Variants in ATAD2 observed in about 807,000 individuals in gnomAD.
The protein encoded by ATAD2 is ATPase family AAA domain containing 2.
Under a neutral mutation model 168.9 loss-of-function variants are expected in ATAD2, and 62 were observed. The ratio of observed to expected loss-of-function variants is 0.37; its 90% CI spans 0.30 to 0.45. ATAD2 has a LOEUF of 0.45. Ranked by LOEUF, ATAD2 falls within the 20% of genes least tolerant of loss-of-function variation. The pLI is 1.00. For missense variants in ATAD2, 1,419 were observed against 1,667.8 expected (o/e 0.85, Z 2.60); for synonymous variants, 613 against 571.6 (o/e 1.07, Z -1.03).
upstream of ATAD2, among the ~76,000 whole-genome samples, chr8:123,396,630 G>C (rs905265622): frequency 2.6e-5 from 4 of 152,250 alleles, no homozygotes; most frequent in Admixed American, 6.5e-5. Context: ...CCTGAGCGGA[G>C]AGTCCTGGGG....
chr8:123,346,665 T>C lies in ATAD2; in HGVS notation c.2298A>G (p.Lys766=). Residue 766 remains lysine, a synonymous_variant, in exon 17 of 28, where the codon AAA becomes AAG. Coordinates refer to ENST00000287394, the MANE Select transcript of ATAD2 (RefSeq NM_014109.4). ...AATTGTCTTTTGCCTTATGAGAAGA[T>C]TTCTGAGAAAGTCCATTTTCATAAA... The part of the protein sequence containing the change: ...PSVYENGLSQ[K]SSHKAKDNFN... The C allele has an allele frequency of 1.3e-6, 2 of 1,587,278 alleles. No individual in the cohort carries two copies. The highest frequency in any genetic ancestry group is 1.7e-6 in the Non-Finnish European group (2 of 1,165,296).
At chr8:123,369,034 T>C (rs1829059338) in intron 8 of ATAD2, 24 bp downstream of exon 8, 2 of 1,382,776 alleles carry the variant, frequency 1.4e-6, no homozygotes, top group Admixed American at 1.8e-5. Flanking sequence ...TTGTCATAAA[T>C]CAATCACTAT....
chr8:123,378,910 G>A (rs1829407676), intron 2 of ATAD2, among the ~76,000 whole-genome samples: 1 of 151,516 alleles, frequency 6.6e-6, no homozygotes, highest in Non-Finnish European at 1.5e-5. Context: ...TCCTGCCTCA[G>A]CCTCCACAGT....
At chr8:123,389,328 A>G (rs1829741677) in intron 1 of ATAD2, among the ~76,000 whole-genome samples, 1 of 146,678 alleles carries the variant, frequency 6.8e-6, no homozygotes, top group Non-Finnish European at 1.5e-5. Flanking sequence ...CCAACCTCTT[A>G]GCAATTCTGG....
intron 8 of ATAD2, among the ~76,000 whole-genome samples, chr8:123,367,001 T>C (rs564751508): frequency 1.3e-5 from 2 of 151,976 alleles, no homozygotes; most frequent in South Asian, 2.1e-4. Flanking sequence ...TAAAATAAAA[T>C]AAATAAAAAA....
In ATAD2 at chr8:123,380,650, T is replaced by G; in HGVS notation, c.199A>C (p.Thr67Pro). 2 of 1,613,958 alleles carry G rather than the reference T, an allele frequency of 1.2e-6. No individual in the cohort carries two copies. Among genetic ancestry groups the G allele is most frequent in the Non-Finnish European group, 1.7e-6 (2 of 1,179,942 alleles). ...GDGSSVKEVE[T>P]YHRTRALRSL... ...CTTAAAGCACGTGTCCGGTGGTAGG[T>G]TTCAACTTCCTTAACTGATGACCCA... Residue 67 changes from threonine (T) to proline (P), a missense_variant, in exon 2 of 28, where the codon ACC (threonine) becomes CCC (proline). Around this residue, in one of 5 missense-constraint regions of ATAD2, gnomAD observed 419 missense variants for 423.5 expected, o/e 0.99. Transcript: ENST00000287394.
chr8:123,372,417 G>T (rs1300666903), intron 3 of ATAD2, among the ~76,000 whole-genome samples: 1 of 152,174 alleles, frequency 6.6e-6, no homozygotes, highest in Non-Finnish European at 1.5e-5. Context: ...GAAGCTAGAA[G>T]AGCCAGGAGG....
At chr8:123,408,024 T>C (rs1247662584) in intron 1 of ATAD2, among the ~76,000 whole-genome samples, 1 of 152,208 alleles carries the variant, frequency 6.6e-6, no homozygotes, top group African/African-American at 2.4e-5. Context: ...TGTTCTTTGG[T>C]AGCAAAATTA....
rs772354491 is a variant in ATAD2, at chr8:123,336,448, C to T, written c.3136G>A (p.Val1046Met). The stretch of plus-strand genomic sequence containing the variant: ...TCAATATCTCTCAAATAGTCTTTCA[C>T]AGTCAGATACTTGTGTAGATCAATT... ...SKIDLHKYLT[V>M]KDYLRDIDLI... Residue 1046 changes from valine to methionine, a missense_variant, in exon 22 of 28, where the codon GTG becomes ATG. This residue lies in a region of ATAD2 where 545 missense variants were observed against 724.9 expected (regional missense o/e 0.75). Transcript: ENST00000287394. 6.3e-7 allele frequency: 1 copy of T among 1,581,386 alleles called. No homozygotes were observed. Among genetic ancestry groups the T allele is most frequent in the Non-Finnish European group, 8.6e-7 (1 of 1,168,748 alleles).
chr8:123,324,764 C>T (rs1357230709), intron 26 of ATAD2, among the ~76,000 whole-genome samples: 1 of 152,142 alleles, frequency 6.6e-6, no homozygotes, highest in African/African-American at 2.4e-5. Flanking sequence ...GTATTATTAG[C>T]TATTAGGATG....
At chr8:123,344,344 CTTTTTTTTTTTT>C (rs764379399) in intron 19 of ATAD2, among the ~76,000 whole-genome samples, 1 of 125,862 alleles carries the variant, frequency 7.9e-6, no homozygotes, top group African/African-American at 3.1e-5. Context: ...TTTTTAAATA[CTTTTTTTTTTTT>C]TTTTTTTTTG....
intron 1 of ATAD2, among the ~76,000 whole-genome samples, chr8:123,389,974 ATATATATATATTTTTTTT>A (rs1006847275): frequency 1.7e-4 from 19 of 114,402 alleles, no homozygotes; most frequent in Admixed American, 1.3e-3. Context: ...ATATATATAT[ATATATATATATTTTTTTT>A]TTTTTAGACA....
chr8:123,324,991 C>T (rs144227496), intron 26 of ATAD2, among the ~76,000 whole-genome samples: 3,514 of 151,166 alleles, frequency 0.023, 138 homozygotes, highest in African/African-American at 0.081. Flanking sequence ...GGGAGGATTA[C>T]TTGAGCTCAG....
intron 1 of ATAD2, among the ~76,000 whole-genome samples, chr8:123,408,954 A>G (rs1813109726): frequency 6.6e-6 from 1 of 151,254 alleles, no homozygotes; most frequent in South Asian, 2.1e-4. Context: ...CAGCCTCCTC[A>G]GTAGCTGGGA....
chr8:123,324,669 A>G (rs1827557815), intron 26 of ATAD2, among the ~76,000 whole-genome samples: 1 of 152,250 alleles, frequency 6.6e-6, no homozygotes, highest in African/African-American at 2.4e-5. Flanking sequence ...GGATGATTTA[A>G]GGACACAACA....
chr8:123,322,154 G>A (rs1827487417), intron 27 of ATAD2, among the ~76,000 whole-genome samples: 1 of 151,962 alleles, frequency 6.6e-6, no homozygotes, highest in South Asian at 2.1e-4. Flanking sequence ...CATCTGGCTA[G>A]TTTTTGTTGT....
At chr8:123,404,020 A>G (rs1049989039) in intron 1 of ATAD2, among the ~76,000 whole-genome samples, 3 of 152,196 alleles carry the variant, frequency 2.0e-5, no homozygotes, top group Non-Finnish European at 2.9e-5. Context: ...ACCTGCTACA[A>G]TCAGAGGTAA....
At position 123,343,168 on chromosome 8, in the gene ATAD2, G is replaced by T. The variant is rs917801895; in HGVS notation, c.2718+1716C>A. On this transcript the variant is annotated intron_variant, in intron 19 of 27. Coordinates refer to ENST00000287394, the MANE Select transcript of ATAD2 (RefSeq NM_014109.4). ...TCCGGCTAATTTTTGTAGAGACAAG[G>T]TTTCACCATGTTGGCCAGGCTGGTC... 1.4e-4 allele frequency among the ~76,000 whole-genome samples: 21 copies of T among 152,040 alleles called. 1 individual carries two copies. The highest frequency in any genetic ancestry group is 5.1e-4 in the African/African-American group (21 of 41,460).
upstream of ATAD2, chr8:123,400,965 G>C: frequency 7.0e-7 from 1 of 1,425,324 alleles, no homozygotes; most frequent in South Asian, 1.1e-5. This position sits in a 1 kb window ranked among gnomAD's most constrained non-coding sequence, Gnocchi z 4.5. Flanking sequence ...TGGGTGATGT[G>C]CTGGAGGCCA....
Sources: allele counts gnomAD v4.1 joint callset (sites outside exome capture counted in the v4.1 genomes callset), GRCh38; gene constraint gnomAD v4.1.1; regional missense constraint gnomAD v4.1.1; non-coding constraint Gnocchi (gnomAD v3.1); transcripts MANE v1.5; gene names NCBI Gene and HGNC (gene_info 2026-07-23, HGNC 2026-07-21).